PLCD3: variants seen among roughly 807,000 people sequenced by gnomAD.
The protein encoded by PLCD3 is phospholipase C delta 3.
Under a neutral mutation model 82.8 loss-of-function variants are expected in PLCD3, and 62 were observed. The ratio of observed to expected loss-of-function variants is 0.75; its 90% confidence interval spans 0.61 to 0.93. The LOEUF is 0.93. Ranked by LOEUF, PLCD3 falls within the 40% of genes least tolerant of loss-of-function variation. The pLI is 0.00. For synonymous variants in PLCD3, 478 were observed against 471.8 expected (o/e 1.01, Z -0.17); for missense variants, 1,023 against 1,103.4 (o/e 0.93, Z 1.03).
At position 45,112,509 on chromosome 17, in the gene PLCD3, T is replaced by C; in HGVS notation, c.*107A>G. 2 of 1,250,552 alleles carry C rather than the reference T, an allele frequency of 1.6e-6. No homozygotes were observed. The highest frequency in any genetic ancestry group is 2.3e-6 in the Non-Finnish European group (2 of 884,414). The allele number at this position is 1,250,552 out of a possible 1,614,324, so 77.5% of individuals were successfully genotyped here. ...GAATGGGCTGAGTGGGCCAAGTGGGTGGGCTGGGGGGCTGGTACTCCCACC... is the reference window on the plus strand; with the variant it reads ...GAATGGGCTGAGTGGGCCAAGTGGGCGGGCTGGGGGGCTGGTACTCCCACC... On this transcript the variant is annotated 3_prime_UTR_variant, in exon 15 of 15. Transcript: ENST00000619929.
chr17:45,114,631 G>A lies in PLCD3; in HGVS notation c.1712-265C>T, dbSNP rs57630962. On this transcript the variant is annotated intron_variant, in intron 10 of 14. Transcript: ENST00000619929. ...CCAACCAAGTACACTGAATGCCCAC[G>A]GCCCTCCAGCTCCACTGTGGTTCCT... Among the ~76,000 whole-genome samples, 595 of 152,100 alleles carry A rather than the reference G, an allele frequency of 3.9e-3. 3 individuals are homozygous for A. The highest frequency in any genetic ancestry group is 0.014 in the African/African-American group (583 of 41,462).
chr17:45,124,475 AG>A (rs1297217416), intron 1 of PLCD3, among the ~76,000 whole-genome samples: 1 of 123,018 alleles, frequency 8.1e-6, no homozygotes, highest in East Asian at 2.6e-4. Context: ...AGGCGGGGCC[AG>A]GTGCTGAGTC....
At position 45,118,063 on chromosome 17, in the gene PLCD3, A is replaced by G. The variant is rs759322964; in HGVS notation, c.1191T>C (p.His397=). ...GAATCTTGGAGGTGAGGGTATGGCC[A>G]TGATAGATGACGGGCTCCCCTCCTG... ...EGPGGEPVIY[H]GHTLTSKILF... Residue 397 remains histidine, a synonymous_variant, in exon 7 of 15, where the codon CAT becomes CAC. Coordinates refer to ENST00000619929, the MANE Select transcript of PLCD3 (RefSeq NM_133373.5). This position sits in a 1 kb window ranked among gnomAD's most constrained non-coding sequence, Gnocchi z 4.1. 4.3e-6 allele frequency: 7 copies of G among 1,613,888 alleles called. No homozygotes were observed. The highest frequency in any genetic ancestry group is 1.1e-5 in the South Asian group (1 of 91,050).
At chr17:45,113,403 C>G (rs746446888) in intron 12 of PLCD3, 36 bp downstream of exon 12, 9 of 1,570,950 alleles carry the variant, frequency 5.7e-6, no homozygotes, top group Non-Finnish European at 7.8e-6. Flanking sequence ...TAGAACCAGT[C>G]TGACCCCACA....
chr17:45,115,321 A>T (rs777755656), intron 9 of PLCD3, 23 bp downstream of exon 9: 2 of 455,866 alleles, frequency 4.4e-6, no homozygotes, highest in South Asian at 2.3e-5. Context: ...CCCCTTCCCC[A>T]CCCCACCCAT....
In PLCD3 at chr17:45,132,111, G is replaced by A. The variant is rs937998895; in HGVS notation, c.163+137C>T. 40 of 972,282 alleles carry A rather than the reference G, an allele frequency of 4.1e-5. No homozygotes were observed. The African/African-American group carries it at 6.3e-4, about 15-fold the overall frequency. 60.2% of individuals were successfully genotyped at this position (972,282 alleles called of 1,614,324 possible). ...CAGGTGCGACCCCCAGCTGGAGGGA[G>A]CTGGCCCTCCGCCCCTAGCCATAGC... is the stretch of plus-strand genomic sequence containing the variant. On this transcript the variant is annotated intron_variant, in intron 1 of 14. Transcript: ENST00000619929. This position sits in a 1 kb window ranked among gnomAD's most constrained non-coding sequence, Gnocchi z 4.6.
chr17:45,115,258 C>T lies in PLCD3; in HGVS notation c.1561-14G>A. On this transcript the variant is annotated splice_polypyrimidine_tract_variant and intron_variant, in intron 9 of 14. Coordinates refer to ENST00000619929, the MANE Select transcript of PLCD3 (RefSeq NM_133373.5). ...GATCTGCTTGGCCTAGGAGACCAGG[C>T]TCAGCGGGGTTCAGCTGGCCCCCGC... 1 of 1,547,888 alleles carries T rather than the reference C, an allele frequency of 6.5e-7. No homozygotes were observed. The highest frequency in any genetic ancestry group is 8.7e-7 in the Non-Finnish European group (1 of 1,142,882).
intron 11 of PLCD3, among the ~76,000 whole-genome samples, 157 bp from the exon 12 acceptor site, chr17:45,113,762 G>A (rs945339402): frequency 2.0e-5 from 3 of 152,022 alleles, no homozygotes; most frequent in Non-Finnish European, 1.5e-5. Flanking sequence ...GGGGGTCATG[G>A]ACCCAGCCCC....
Position 45,132,508 on chromosome 17 carries a change from G to T in PLCD3, c.-98C>A. 2 of 696,332 alleles carry T rather than the reference G, an allele frequency of 2.9e-6. No individual in the cohort carries two copies. Among genetic ancestry groups the T allele is most frequent in the South Asian group, 6.6e-5 (1 of 15,176 alleles). 43.1% of individuals were successfully genotyped at this position (696,332 alleles called of 1,614,324 possible). A position where few individuals can be genotyped will look rare whatever the true frequency, so the allele number is the denominator to read the frequency against. ...CGGCCCCGGCTCTGAGCGAGGCGGC[G>T]AGCGAAGAAACTTAGCGGCGCGGGA... On this transcript the variant is annotated 5_prime_UTR_variant, in exon 1 of 15. Transcript: ENST00000619929. This position sits in a 1 kb window ranked among gnomAD's most constrained non-coding sequence, Gnocchi z 4.6.
intron 1 of PLCD3, among the ~76,000 whole-genome samples, chr17:45,127,422 G>C (rs911898635): frequency 6.6e-6 from 1 of 152,172 alleles, no homozygotes; most frequent in Non-Finnish European, 1.5e-5. Flanking sequence ...CCTGCAGCCC[G>C]GGCGGTTTGG....
chr17:45,119,805 C>T (rs1043324576), intron 4 of PLCD3, among the ~76,000 whole-genome samples: 13 of 152,286 alleles, frequency 8.5e-5, no homozygotes, highest in African/African-American at 2.4e-4. Flanking sequence ...TCCTGTCTTT[C>T]GGGGTCACAG....
At chr17:45,130,923 T>G (rs2054426206) in intron 1 of PLCD3, among the ~76,000 whole-genome samples, 1 of 145,952 alleles carries the variant, frequency 6.9e-6, no homozygotes, top group Non-Finnish European at 1.5e-5. Flanking sequence ...CTGCCCCCTG[T>G]TCCCCCACCC....
rs766023727 is a variant in PLCD3 at position 45,119,061 on chromosome 17, A to C, written c.685-18T>G. 3 of 1,581,210 alleles carry C rather than the reference A, an allele frequency of 1.9e-6. No homozygotes were observed. Among genetic ancestry groups the C allele is most frequent in the South Asian group, 2.3e-5 (2 of 88,020 alleles). ...TCACACTCCTGGGGAGCAGCAGGAG[A>C]AGCTCAGAGGAGGCAGACACTCCAG... On this transcript the variant is annotated intron_variant, in intron 4 of 14. Coordinates refer to ENST00000619929, the MANE Select transcript of PLCD3 (RefSeq NM_133373.5).
rs1379929004 is a variant in PLCD3 at position 45,118,744 on chromosome 17, G to A, written c.913+71C>T. ...CCCGAGATGATGCCCGCGCCAGCCC[G>A]CAGCAGAACCCGCTTAGCTGGGAAC... On this transcript the variant is annotated intron_variant, in intron 5 of 14. Coordinates refer to ENST00000619929, the MANE Select transcript of PLCD3 (RefSeq NM_133373.5). This position sits in a 1 kb window ranked among gnomAD's most constrained non-coding sequence, Gnocchi z 4.1. The A allele has an allele frequency of 2.6e-5, 39 of 1,472,890 alleles. No homozygotes were observed. The highest frequency in any genetic ancestry group is 7.7e-5 in the South Asian group (6 of 77,584). 91.2% of individuals were successfully genotyped at this position (1,472,890 alleles called of 1,614,324 possible).
At position 45,118,684 on chromosome 17, in the gene PLCD3, G is replaced by A. The variant is rs1598030856; in HGVS notation, c.913+131C>T. The A allele has an allele frequency of 8.8e-7, 1 of 1,138,420 alleles. No homozygotes were observed. Among genetic ancestry groups the A allele is most frequent in the Non-Finnish European group, 1.2e-6 (1 of 813,560 alleles). 70.5% of individuals were successfully genotyped at this position (1,138,420 alleles called of 1,614,324 possible). A position where few individuals can be genotyped will look rare whatever the true frequency, so the allele number is the denominator to read the frequency against. ...CAAACTGTTGTGCCATTTTACACAT[G>A]TGGAAGCTGAGTCTGGAGGAGGTGA... On this transcript the variant is annotated intron_variant, in intron 5 of 14. Transcript: ENST00000619929. The surrounding 1 kb of genome is among the most constrained non-coding windows in gnomAD (Gnocchi z 4.1).
chr17:45,116,841 C>A, intron 7 of PLCD3, 57 bp from the exon 8 acceptor site: 1 of 1,497,174 alleles, frequency 6.7e-7, no homozygotes, highest in South Asian at 1.3e-5. Flanking sequence ...CAGTATCTCC[C>A]AACATCTGGC....
At chr17:45,131,576 G>A (rs1021206291) in intron 1 of PLCD3, among the ~76,000 whole-genome samples, 4 of 152,226 alleles carry the variant, frequency 2.6e-5, no homozygotes, top group African/African-American at 7.2e-5. Flanking sequence ...CTTGTGAAAT[G>A]AGGATTCACC....
Position 45,118,288 on chromosome 17 carries a change from T to C in PLCD3, c.1115+3A>G. 1 of 1,613,958 alleles carries C rather than the reference T, an allele frequency of 6.2e-7. No homozygotes were observed. The highest frequency in any genetic ancestry group is 1.1e-5 in the South Asian group (1 of 91,078). On this transcript the variant is annotated splice_donor_region_variant and intron_variant, in intron 6 of 14. Transcript: ENST00000619929. This position sits in a 1 kb window ranked among gnomAD's most constrained non-coding sequence, Gnocchi z 4.1. ...CGGAAACATTCACCCCCTGCTACAG[T>C]ACCTAACATAGGCCTCGGTGCTGCT...
intron 4 of PLCD3, among the ~76,000 whole-genome samples, chr17:45,119,979 C>T (rs1178895226): frequency 6.6e-6 from 1 of 152,258 alleles, no homozygotes; most frequent in Non-Finnish European, 1.5e-5. Flanking sequence ...TGTATCCGTG[C>T]ACATGCACAC....
Sources: allele counts gnomAD v4.1 joint callset (sites outside exome capture counted in the v4.1 genomes callset), GRCh38; gene constraint gnomAD v4.1.1; non-coding constraint Gnocchi (gnomAD v3.1); transcripts MANE v1.5; gene names NCBI Gene and HGNC (gene_info 2026-07-23, HGNC 2026-07-21).